ARID3A: variants seen among roughly 807,000 people sequenced by gnomAD.
ARID3A encodes AT-rich interactive domain-containing protein 3A.
ARID3A carries 11 observed loss-of-function variants against 52.7 expected under a neutral mutation model. The ratio of observed to expected loss-of-function variants is 0.21; its 90% CI spans 0.13 to 0.35. The LOEUF (loss-of-function observed/expected upper bound fraction) is 0.35. Ranked by LOEUF, ARID3A falls within the 10% of genes least tolerant of loss-of-function variation. The pLI, the probability that ARID3A is intolerant of heterozygous loss-of-function variation, is 1.00. For synonymous variants in ARID3A, 404 were observed against 359.4 expected, an observed-to-expected ratio of 1.12 and a Z score of -1.40; for missense variants, 721 against 838.5, an observed-to-expected ratio of 0.86 and a Z score of 1.73.
chr19:965,991 CA>C (rs35807859), intron 6 of ARID3A, among the ~76,000 whole-genome samples: 70,179 of 106,578 alleles, frequency 0.66, 21,653 homozygotes, highest in Middle Eastern at 0.79. Context: ...GACTCCGTGT[CA>C]AAAAAAAAAA....
chr19:928,480 C>T (rs1196322939), intron 1 of ARID3A: 1 of 152,116 alleles, frequency 6.6e-6, no homozygotes, highest in Admixed American at 6.5e-5. Context: ...ACTCCAGACC[C>T]CTGTTGCCCT....
rs201677585 is a variant in ARID3A at position 971,908 on chromosome 19, C to T, written c.1625C>T (p.Thr542Met). 4.9e-5 allele frequency: 78 copies of T among 1,603,424 alleles called. No individual in the cohort carries two copies. In the East Asian group the frequency reaches 7.7e-4, roughly 16 times the overall value. The change falls in exon 9 of 9, where the codon ACG (threonine) becomes ATG (methionine). Residue 542 changes from threonine to methionine, a missense_variant. Thr to Met is a moderately conservative substitution (Grantham distance 81, BLOSUM62 -1). Coordinates refer to ENST00000263620, the MANE Select transcript of ARID3A (RefSeq NM_005224.3). Reference sequence around the variant, plus strand: ...CTGTTTGCTCAGCCGCCGGCCCCCACGCCAACCTCTGCTCCCAACAAAGGA... The same window carrying T: ...CTGTTTGCTCAGCCGCCGGCCCCCATGCCAACCTCTGCTCCCAACAAAGGA... ...GVLFAQPPAP[T>M]PTSAPNKGGG...
In ARID3A at chr19:973,531, G is replaced by A. The variant is rs1479338653; in HGVS notation, c.*1466G>A. 1 of 222,328 alleles carries A rather than the reference G, an allele frequency of 4.5e-6. No homozygotes were observed. Among genetic ancestry groups the A allele is most frequent in the Non-Finnish European group, 9.0e-6 (1 of 111,142 alleles). 13.8% of individuals were successfully genotyped at this position (222,328 alleles called of 1,614,324 possible). A position where few individuals can be genotyped will look rare whatever the true frequency, so the allele number is the denominator to read the frequency against. On this transcript the variant is annotated 3_prime_UTR_variant, in exon 9 of 9. Transcript: ENST00000263620. ...CAGGGATGAATGTGGCGTCTCATTG[G>A]GATTCTTCTCTTGCCCGAAAGGGCT...
At chr19:957,239 G>A (rs1042361642) in intron 3 of ARID3A, among the ~76,000 whole-genome samples, 2 of 152,158 alleles carry the variant, frequency 1.3e-5, no homozygotes, top group African/African-American at 2.4e-5. Context: ...AGGCAGAGGC[G>A]GTCGGTGGCT....
chr19:926,439 G>A (rs2037200871), intron 1 of ARID3A, among the ~76,000 whole-genome samples: 1 of 151,006 alleles, frequency 6.6e-6, no homozygotes, highest in South Asian at 2.1e-4. Context: ...ATCGGGGGTC[G>A]CGAGTGCGCG....
intron 4 of ARID3A, among the ~76,000 whole-genome samples, chr19:962,413 C>G (rs953936169): frequency 3.3e-5 from 5 of 152,038 alleles, no homozygotes; most frequent in African/African-American, 9.7e-5. Context: ...GGCCCCACGA[C>G]GGGCCCTGGT....
Position 975,614 on chromosome 19 carries a change from A to C in ARID3A, c.*3549A>C. 1 of 214,562 alleles carries C rather than the reference A, an allele frequency of 4.7e-6. No individual in the cohort carries two copies. Among genetic ancestry groups the C allele is most frequent in the Non-Finnish European group, 9.4e-6 (1 of 106,428 alleles). 13.3% of individuals were successfully genotyped at this position (214,562 alleles called of 1,614,324 possible). A position where few individuals can be genotyped will look rare whatever the true frequency, so the allele number is the denominator to read the frequency against. On this transcript the variant is annotated 3_prime_UTR_variant, in exon 9 of 9. Coordinates refer to ENST00000263620, the MANE Select transcript of ARID3A (RefSeq NM_005224.3). ...AGGAGGAAAAAAAAAAAAACTTAAA[A>C]AAATTTTTAAAAAACATAAAACTAC...
At chr19:933,708 G>A (rs970220675) in intron 3 of ARID3A, among the ~76,000 whole-genome samples, 2 of 152,260 alleles carry the variant, frequency 1.3e-5, no homozygotes, top group African/African-American at 2.4e-5. Context: ...CAGGGGTGCC[G>A]GGTAGCTTAA....
At chr19:965,114 C>T (rs765957882) in intron 6 of ARID3A, 34 bp downstream of exon 6, 2 of 1,557,898 alleles carry the variant, frequency 1.3e-6, no homozygotes, top group East Asian at 4.5e-5. Context: ...GGCGTGTTCC[C>T]AACTGAGCTT....
chr19:962,591 T>C (rs2038066237), intron 4 of ARID3A, among the ~76,000 whole-genome samples: 2 of 151,010 alleles, frequency 1.3e-5, no homozygotes, highest in South Asian at 4.2e-4. Flanking sequence ...CTCGGCTCTC[T>C]GCAACCTCCA....
At chr19:962,911 G>A (rs1057345210) in intron 4 of ARID3A, among the ~76,000 whole-genome samples, 1 of 152,210 alleles carries the variant, frequency 6.6e-6, no homozygotes, top group African/African-American at 2.4e-5. Context: ...GGCCGATCCT[G>A]CAGCTGAAAC....
chr19:966,475 A>AAT, intron 6 of ARID3A, 97 bp from the exon 7 acceptor site: 1 of 950,122 alleles, frequency 1.1e-6, no homozygotes, highest in Non-Finnish European at 1.5e-6. Flanking sequence ...AAAAAAAAAA[A>AAT]GAAAAGAAAA....
At chr19:963,887 G>A (rs1021860377) in intron 4 of ARID3A, among the ~76,000 whole-genome samples, 6 of 152,196 alleles carry the variant, frequency 3.9e-5, no homozygotes, top group Non-Finnish European at 8.8e-5. Flanking sequence ...GGGAACATAG[G>A]CAGAGTTGTT....
At position 973,733 on chromosome 19, in the gene ARID3A, G is replaced by A. The variant is rs1216180611; in HGVS notation, c.*1668G>A. On this transcript the variant is annotated 3_prime_UTR_variant, in exon 9 of 9. Transcript: ENST00000263620. ...GGGCTGCGAGCTCCCCGAGTTCTGCGGTGACTAAATCGAGGCCGAGAAGGG... is the reference window on the plus strand; with the variant it reads ...GGGCTGCGAGCTCCCCGAGTTCTGCAGTGACTAAATCGAGGCCGAGAAGGG... 2.6e-5 allele frequency: 6 copies of A among 228,032 alleles called. No homozygotes were observed. The highest frequency in any genetic ancestry group is 4.4e-5 in the African/African-American group (2 of 45,040). The allele number at this position is 228,032 out of a possible 1,614,324, so 14.1% of individuals were successfully genotyped here.
intron 3 of ARID3A, among the ~76,000 whole-genome samples, chr19:933,060 C>T (rs1011708250): frequency 7.9e-5 from 12 of 152,120 alleles, no homozygotes; most frequent in Admixed American, 2.6e-4. Context: ...GGCGCCGGCC[C>T]GAGCTGGGCT....
At chr19:934,279 G>GT (rs1373510061) in intron 3 of ARID3A, among the ~76,000 whole-genome samples, 1 of 152,112 alleles carries the variant, frequency 6.6e-6, no homozygotes, top group African/African-American at 2.4e-5. Flanking sequence ...CTGGACACAC[G>GT]CCCCGCCCAG....
At chr19:966,244 G>A (rs1408508094) in intron 6 of ARID3A, among the ~76,000 whole-genome samples, 1 of 151,544 alleles carries the variant, frequency 6.6e-6, no homozygotes, top group Non-Finnish European at 1.5e-5. Context: ...CGGATCACCT[G>A]AGGTCAGGAG....
intron 3 of ARID3A, among the ~76,000 whole-genome samples, chr19:936,041 C>T (rs1272341475): frequency 1.3e-5 from 2 of 150,330 alleles, no homozygotes; most frequent in African/African-American, 2.5e-5. Flanking sequence ...CCGCCTGCCT[C>T]GGCCTCCCAA....
rs1804525630 is a variant in ARID3A, at chr19:964,399, C to T, written c.918C>T (p.Ser306=). 1.9e-6 allele frequency: 3 copies of T among 1,609,282 alleles called. No individual in the cohort carries two copies. Among genetic ancestry groups the T allele is most frequent in the Admixed American group, 1.7e-5 (1 of 59,270 alleles). The change falls in exon 5 of 9, where the codon TCC becomes TCT. Residue 306 remains serine (S), a synonymous_variant. Transcript: ENST00000263620. The surrounding 1 kb of genome is among the most constrained non-coding windows in gnomAD (Gnocchi z 5.7). ...CCAAGGGCCTCAACCTGCCCACGTC[C>T]ATCACCAGTGCAGCCTTCACCCTGC... is the stretch of plus-strand genomic sequence containing the variant. ...EITKGLNLPT[S]ITSAAFTLRT... is the part of the protein sequence containing the mutation.
Sources: gnomAD v4.1 joint callset for allele counts (sites outside exome capture counted in the v4.1 genomes callset) on GRCh38, gnomAD v4.1.1 for gene constraint, Gnocchi (gnomAD v3.1) non-coding constraint, MANE v1.5 for transcripts, NCBI Gene and HGNC (gene_info 2026-07-23, HGNC 2026-07-21) for gene names.